Variants in VANGL2 observed in about 807,000 individuals in gnomAD.
The protein encoded by VANGL2 is VANGL planar cell polarity protein 2.
In VANGL2, 14 loss-of-function variants were observed where a neutral mutation model predicts 50.2. That is an observed-to-expected ratio of 0.28 (90% CI 0.18 to 0.44). The LOEUF (loss-of-function observed/expected upper bound fraction) is 0.44. Among genes scored for constraint, VANGL2 ranks in the 20% least tolerant of loss-of-function variants. The pLI is 1.00. For synonymous variants in VANGL2, 295 were observed against 297.2 expected, an observed-to-expected ratio of 0.99 and a Z score of 0.08; for missense variants, 533 against 701.5, an observed-to-expected ratio of 0.76 and a Z score of 2.71.
intron 2 of VANGL2, 37 bp downstream of exon 2, chr1:160,415,945 G>A (rs1360622720): frequency 6.2e-7 from 1 of 1,614,078 alleles, no homozygotes; most frequent in African/African-American, 1.3e-5. Context: ...GTGGCGGAGG[G>A]AGGGTTGGGG....
At chr1:160,411,584 C>G (rs1454931981) in intron 1 of VANGL2, among the ~76,000 whole-genome samples, 2 of 152,130 alleles carry the variant, frequency 1.3e-5, no homozygotes, top group Non-Finnish European at 2.9e-5. Flanking sequence ...AGGCAAGGGT[C>G]TCAGAAGTCG....
chr1:160,420,480 C>G lies in VANGL2; in HGVS notation c.870C>G (p.Leu290=). The change falls in exon 5 of 8, where the codon CTC becomes CTG. Residue 290 remains leucine (L), a synonymous_variant. Coordinates refer to ENST00000368061, the MANE Select transcript of VANGL2 (RefSeq NM_020335.3). ...YHDFPVYNPA[L]LNLPKSVLAK... Reference sequence around the variant, plus strand: ...ACTTCCCTGTCTACAACCCTGCCCTCCTCAACCTGCCCAAGTCCGTCCTGG... The same window carrying G: ...ACTTCCCTGTCTACAACCCTGCCCTGCTCAACCTGCCCAAGTCCGTCCTGG... The G allele has an allele frequency of 6.2e-7, 1 of 1,614,126 alleles. No individual in the cohort carries two copies. The highest frequency in any genetic ancestry group is 8.5e-7 in the Non-Finnish European group (1 of 1,180,034).
At chr1:160,410,162 G>A (rs1332388679) in intron 1 of VANGL2, among the ~76,000 whole-genome samples, 1 of 152,154 alleles carries the variant, frequency 6.6e-6, no homozygotes, top group Non-Finnish European at 1.5e-5. Flanking sequence ...GGTCCTATCA[G>A]AGATCTCTGC....
At chr1:160,405,065 G>A (rs889213411) in intron 1 of VANGL2, among the ~76,000 whole-genome samples, 14 of 152,100 alleles carry the variant, frequency 9.2e-5, no homozygotes, top group Non-Finnish European at 5.9e-5. Flanking sequence ...GGCTGGGGAT[G>A]GGACTTTTAA....
intron 1 of VANGL2, among the ~76,000 whole-genome samples, chr1:160,406,560 G>T (rs1650666961): frequency 6.6e-6 from 1 of 152,106 alleles, no homozygotes; most frequent in Non-Finnish European, 1.5e-5. Context: ...GGCCACCATG[G>T]CCCGTGGGGT....
Position 160,406,591 on chromosome 1 carries a change from GC to G in VANGL2, c.-191+5724del, listed in dbSNP as rs553784848. ...GGGGTCTTGTTTGTGAATGGGAGGA[GC>G]CTGGTCCTTATTGTCTGTAGGGTTT... On this transcript the variant is annotated intron_variant, in intron 1 of 7. Transcript: ENST00000368061. Among the ~76,000 whole-genome samples the G allele has an allele frequency of 3.5e-4, 53 of 152,226 alleles. 1 individual carries two copies. Among genetic ancestry groups the G allele is most frequent in the South Asian group, 2.7e-3 (13 of 4,820 alleles).
rs867332690 is a variant in VANGL2 at position 160,425,003 on chromosome 1, A to G, written c.1306-115A>G. ...GTAACATTCTGAGGTTCTAGTTCAT[A>G]TGCATAGAGTGAGCTCAGGGACGTC... On this transcript the variant is annotated intron_variant, in intron 7 of 7. Coordinates refer to ENST00000368061, the MANE Select transcript of VANGL2 (RefSeq NM_020335.3). 18 of 1,429,862 alleles carry G rather than the reference A, an allele frequency of 1.3e-5. No homozygotes were observed. The South Asian group carries it at 1.4e-4, about 11-fold the overall frequency. The allele number at this position is 1,429,862 out of a possible 1,614,324, so 88.6% of individuals were successfully genotyped here. A position where few individuals can be genotyped will look rare whatever the true frequency, so the allele number is the denominator to read the frequency against.
chr1:160,407,779 C>T (rs1650731779), intron 1 of VANGL2, among the ~76,000 whole-genome samples: 1 of 152,182 alleles, frequency 6.6e-6, no homozygotes, highest in Non-Finnish European at 1.5e-5. Flanking sequence ...TGCCTGCTTT[C>T]CTTCTTGGTT....
chr1:160,415,777 G>T lies in VANGL2; in HGVS notation c.-61G>T. ...CGGTGCTGAAGGAGGTGGCTGTGGG[G>T]CCCCCCAAGAGGCCCCAGCCTGCGG... On this transcript the variant is annotated 5_prime_UTR_variant, in exon 2 of 8. Coordinates refer to ENST00000368061, the MANE Select transcript of VANGL2 (RefSeq NM_020335.3). The T allele has an allele frequency of 1.3e-6, 2 of 1,577,904 alleles. No homozygotes were observed. Among genetic ancestry groups the T allele is most frequent in the African/African-American group, 2.7e-5 (2 of 74,688 alleles).
In VANGL2 at chr1:160,404,026, G is replaced by A. The variant is rs146550183; in HGVS notation, c.-191+3157G>A. On this transcript the variant is annotated intron_variant, in intron 1 of 7. Transcript: ENST00000368061. ...TATGAGGATTAAATGAAATAATAGAGAAAGCACGTTGCACAGTTCCTGGCA... is the reference window on the plus strand; with the variant it reads ...TATGAGGATTAAATGAAATAATAGAAAAAGCACGTTGCACAGTTCCTGGCA... Among the ~76,000 whole-genome samples the A allele has an allele frequency of 2.3e-3, 356 of 152,328 alleles. 1 individual carries two copies. Among genetic ancestry groups the A allele is most frequent in the African/African-American group, 8.1e-3 (337 of 41,572 alleles).
intron 1 of VANGL2, among the ~76,000 whole-genome samples, chr1:160,408,569 C>T (rs1359529809): frequency 6.6e-6 from 1 of 152,156 alleles, no homozygotes; most frequent in Non-Finnish European, 1.5e-5. Context: ...CAGGATCCCA[C>T]CCCTCCTCTG....
At position 160,415,964 on chromosome 1, in the gene VANGL2, G is replaced by GA. The variant is rs1230674964; in HGVS notation, c.71+57dup. On this transcript the variant is annotated intron_variant, in intron 2 of 7. Coordinates refer to ENST00000368061, the MANE Select transcript of VANGL2 (RefSeq NM_020335.3). ...CGGAGGGAGGGTTGGGGGCTGTTAA[G>GA]AGGTGGGCACGTGCAGGGGTGGTAG... is the stretch of plus-strand genomic sequence containing the variant. 8 of 1,614,068 alleles carry GA rather than the reference G, an allele frequency of 5.0e-6. No homozygotes were observed. In the African/African-American group the frequency reaches 1.1e-4, roughly 22 times the overall value.
chr1:160,418,620 C>T (rs1014866375), intron 3 of VANGL2, among the ~76,000 whole-genome samples: 1 of 152,178 alleles, frequency 6.6e-6, no homozygotes, highest in East Asian at 1.9e-4. Flanking sequence ...TTTCTGGAAG[C>T]CTGCCTGCTT....
In VANGL2 at chr1:160,421,162, C is replaced by A; in HGVS notation, c.1048C>A (p.Arg350=). 3 of 1,613,620 alleles carry A rather than the reference C, an allele frequency of 1.9e-6. No individual in the cohort carries two copies. ...CTACTATGAGGAGGCTGAGCATGAG[C>A]GAAGGGTGCGCAAGAGGAGGGCCAG... The part of the protein sequence containing the change: ...EYYYEEAEHE[R]RVRKRRARLV... Residue 350 remains arginine, a synonymous_variant, in exon 6 of 8, where the codon CGA becomes AGA. Coordinates refer to ENST00000368061, the MANE Select transcript of VANGL2 (RefSeq NM_020335.3).
chr1:160,420,561 C>G lies in VANGL2; in HGVS notation c.937+14C>G. ...CCCTCGGAGAGGGTGAGCAGCCCTG[C>G]TCCTCTGCCCTTCCCTGTCTCTTCC... On this transcript the variant is annotated intron_variant, in intron 5 of 7. Transcript: ENST00000368061. 1.2e-6 allele frequency: 2 copies of G among 1,614,160 alleles called. No homozygotes were observed. The highest frequency in any genetic ancestry group is 8.5e-7 in the Non-Finnish European group (1 of 1,180,034).
At chr1:160,416,332 C>T (rs1160432352) in intron 3 of VANGL2, 150 bp downstream of exon 3, 1 of 1,341,126 alleles carries the variant, frequency 7.5e-7, no homozygotes, top group Non-Finnish European at 1.0e-6. Flanking sequence ...CTTAGCTTGG[C>T]TTAGTGTCTT....
chr1:160,416,839 G>C (rs1203904487), intron 3 of VANGL2, among the ~76,000 whole-genome samples: 2 of 152,136 alleles, frequency 1.3e-5, no homozygotes, highest in African/African-American at 4.8e-5. Flanking sequence ...CAGGATTTTA[G>C]GTGACACTGA....
chr1:160,411,155 C>T (rs1650868991), intron 1 of VANGL2, among the ~76,000 whole-genome samples: 1 of 152,124 alleles, frequency 6.6e-6, no homozygotes, highest in Non-Finnish European at 1.5e-5. Flanking sequence ...CCTCTCTCCT[C>T]CCTGGCCTCA....
At position 160,419,357 on chromosome 1, in the gene VANGL2, C is replaced by G; in HGVS notation, c.548C>G (p.Ala183Gly). Residue 183 changes from alanine to glycine, a missense_variant, in exon 4 of 8, where the codon GCC becomes GGC. By Grantham distance (60) the Ala-to-Gly change is moderately conservative. Transcript: ENST00000368061. The surrounding 1 kb of genome is among the most constrained non-coding windows in gnomAD (Gnocchi z 5.8). Reference protein sequence around the residue: ...ASLPRVFVLRALLMVLVFLLV... With the variant: ...ASLPRVFVLRGLLMVLVFLLV... ...CTGCCCCGCGTCTTTGTGCTGCGTG[C>G]CCTGCTTATGGTGCTGGTTTTCCTG... 1 of 1,611,928 alleles carries G rather than the reference C, an allele frequency of 6.2e-7. No individual in the cohort carries two copies. Among genetic ancestry groups the G allele is most frequent in the Non-Finnish European group, 8.5e-7 (1 of 1,180,020 alleles).
Sources: allele counts gnomAD v4.1 joint callset (sites outside exome capture counted in the v4.1 genomes callset), GRCh38; gene constraint gnomAD v4.1.1; non-coding constraint Gnocchi (gnomAD v3.1); transcripts MANE v1.5; gene names NCBI Gene and HGNC (gene_info 2026-07-23, HGNC 2026-07-21).